Variants in ZNF503 observed in about 807,000 individuals in gnomAD.
ZNF503 encodes NocA-like zinc finger 2.
Under a neutral mutation model 34.4 loss-of-function variants are expected in ZNF503, and 15 were observed. The ratio of observed to expected loss-of-function variants is 0.44; its 90% CI spans 0.29 to 0.67. The LOEUF (loss-of-function observed/expected upper bound fraction) is 0.67. ZNF503 is among the 30% of genes least tolerant of loss of function. The pLI is 0.13. For synonymous variants in ZNF503, 580 were observed against 456.8 expected, an observed-to-expected ratio of 1.27 and a Z score of -3.44; for missense variants, 1,007 against 926.8, an observed-to-expected ratio of 1.09 and a Z score of -1.12.
In ZNF503 at chr10:75,398,806, G is replaced by T; in HGVS notation, c.1884C>A (p.Ser628=). The change falls in exon 2 of 2, where the codon TCC becomes TCA. Residue 628 remains serine (S), a synonymous_variant. Coordinates refer to ENST00000372524, the MANE Select transcript of ZNF503 (RefSeq NM_032772.6). ...PVPAATGPYY[S]PYALYGQRLT... is the part of the protein sequence containing the mutation. ...GTCTCTGTCCGTAGAGGGCGTAGGG[G>T]GAGTAGTACGGTCCGGTGGCGGCGG... The T allele has an allele frequency of 6.7e-7, 1 of 1,484,014 alleles. No individual in the cohort carries two copies. Among genetic ancestry groups the T allele is most frequent in the Non-Finnish European group, 8.9e-7 (1 of 1,122,808 alleles). 91.9% of individuals were successfully genotyped at this position (1,484,014 alleles called of 1,614,324 possible).
the ZNF503 span, chr10:75,350,238 GATAA>G: frequency 3.3e-5 from 5 of 152,302 alleles, no homozygotes; most frequent in African/African-American, 1.2e-4. Context: ...TGACATAAGT[GATAA>G]ATTAATACAT....
At chr10:75,390,644 C>T in the ZNF503 span, among the ~76,000 whole-genome samples, 23 of 152,186 alleles carry the variant, frequency 1.5e-4, no homozygotes, top group African/African-American at 5.1e-4. Context: ...AAGTCACCAT[C>T]CTGTGACCCA....
chr10:75,385,981 C>G, the ZNF503 span, among the ~76,000 whole-genome samples: 1 of 152,178 alleles, frequency 6.6e-6, no homozygotes, highest in Non-Finnish European at 1.5e-5. Context: ...ATCAGAAACT[C>G]AAGCCATACA....
At chr10:75,316,188 A>G in the ZNF503 span, among the ~76,000 whole-genome samples, 1 of 152,176 alleles carries the variant, frequency 6.6e-6, no homozygotes, top group Non-Finnish European at 1.5e-5. Flanking sequence ...CAATAAGGAA[A>G]CATTGGACTT....
chr10:75,299,611 C>A, the ZNF503 span, among the ~76,000 whole-genome samples: 1 of 152,150 alleles, frequency 6.6e-6, no homozygotes, highest in African/African-American at 2.4e-5. Context: ...GGGCAAAATT[C>A]ACCCCCAATA....
chr10:75,351,233 C>T, the ZNF503 span, among the ~76,000 whole-genome samples: 83 of 152,086 alleles, frequency 5.5e-4, no homozygotes, highest in East Asian at 1.2e-3. Context: ...AGTGCAATGG[C>T]GTGATCTTAG....
chr10:75,303,983 G>A, the ZNF503 span, among the ~76,000 whole-genome samples: 1 of 152,002 alleles, frequency 6.6e-6, no homozygotes, highest in African/African-American at 2.4e-5. Flanking sequence ...ACAGGTGCAT[G>A]CCACCACACC....
chr10:75,339,462 A>G, the ZNF503 span, among the ~76,000 whole-genome samples: 2 of 152,240 alleles, frequency 1.3e-5, no homozygotes, highest in Non-Finnish European at 2.9e-5. Flanking sequence ...CAAAACACTT[A>G]TTAGCTCATA....
chr10:75,366,448 G>A, the ZNF503 span, among the ~76,000 whole-genome samples: 1 of 152,220 alleles, frequency 6.6e-6, no homozygotes, highest in Non-Finnish European at 1.5e-5. Flanking sequence ...GATGGTGATT[G>A]CCTGCTACCA....
At chr10:75,383,114 G>A in the ZNF503 span, among the ~76,000 whole-genome samples, 1 of 152,126 alleles carries the variant, frequency 6.6e-6, no homozygotes, top group Admixed American at 6.5e-5. Context: ...CAGGACACTG[G>A]GTTGGAAGCC....
At position 75,398,375 on chromosome 10, in the gene ZNF503, A is replaced by G. The variant is rs902452725; in HGVS notation, c.*374T>C. 1.7e-5 allele frequency: 3 copies of G among 175,790 alleles called. No homozygotes were observed. The highest frequency in any genetic ancestry group is 7.1e-5 in the African/African-American group (3 of 42,480). The allele number at this position is 175,790 out of a possible 1,614,324, so 10.9% of individuals were successfully genotyped here. A position where few individuals can be genotyped will look rare whatever the true frequency, so the allele number is the denominator to read the frequency against. Reference sequence around the variant, plus strand: ...ACCTCCTTTTTACCTACAGAGCTCAAACTAAATAATGCACTTTTGAACCAC... The same window carrying G: ...ACCTCCTTTTTACCTACAGAGCTCAGACTAAATAATGCACTTTTGAACCAC... On this transcript the variant is annotated 3_prime_UTR_variant, in exon 2 of 2. Transcript: ENST00000372524.
the ZNF503 span, among the ~76,000 whole-genome samples, chr10:75,322,944 G>A: frequency 6.6e-6 from 1 of 152,158 alleles, no homozygotes; most frequent in Non-Finnish European, 1.5e-5. Flanking sequence ...TTTACATACA[G>A]TAAATTTTAT....
the ZNF503 span, among the ~76,000 whole-genome samples, chr10:75,291,090 G>C: frequency 7.9e-5 from 12 of 152,282 alleles, no homozygotes; most frequent in East Asian, 1.9e-3. Context: ...GCCTGTGCCT[G>C]GGGGTTTCAC....
the ZNF503 span, among the ~76,000 whole-genome samples, chr10:75,306,079 G>A: frequency 1.3e-5 from 2 of 152,112 alleles, no homozygotes; most frequent in Non-Finnish European, 2.9e-5. Flanking sequence ...AGGTCATGTG[G>A]TAATTCTATT....
At chr10:75,384,281 TCA>T in the ZNF503 span, among the ~76,000 whole-genome samples, 10 of 151,742 alleles carry the variant, frequency 6.6e-5, no homozygotes, top group African/African-American at 2.4e-4. Context: ...ACTGATAATC[TCA>T]CACATGCACA....
At chr10:75,346,546 T>A in the ZNF503 span, among the ~76,000 whole-genome samples, 2 of 151,948 alleles carry the variant, frequency 1.3e-5, no homozygotes, top group Admixed American at 6.6e-5. Flanking sequence ...TCCTCCTGCC[T>A]CAGCCACCAC....
chr10:75,347,013 C>A, the ZNF503 span, among the ~76,000 whole-genome samples: 4 of 152,182 alleles, frequency 2.6e-5, no homozygotes, highest in Non-Finnish European at 5.9e-5. Context: ...TCTGGGCCAA[C>A]TATTTACTTC....
chr10:75,378,937 A>G, the ZNF503 span, among the ~76,000 whole-genome samples: 114,157 of 152,026 alleles, frequency 0.75, 43,539 homozygotes, highest in African/African-American at 0.88. Context: ...AACCACAAGA[A>G]GGTCCCTGTT....
chr10:75,385,959 C>G, the ZNF503 span, among the ~76,000 whole-genome samples: 14 of 152,276 alleles, frequency 9.2e-5, no homozygotes, highest in African/African-American at 3.4e-4. Flanking sequence ...CCAGCCCTGA[C>G]GCAATGCAGG....
Sources: allele counts gnomAD v4.1 joint callset (sites outside exome capture counted in the v4.1 genomes callset), GRCh38; gene constraint gnomAD v4.1.1; transcripts MANE v1.5; gene names NCBI Gene and HGNC (gene_info 2026-07-23, HGNC 2026-07-21).